Variants in ZNF462 observed in about 807,000 individuals in gnomAD.
The protein encoded by ZNF462 is zinc finger protein 462, also known as zinc finger PBX1-interacting protein.
In ZNF462, 10 loss-of-function variants were observed where a neutral mutation model predicts 201.9. That is an observed-to-expected ratio of 0.05 (90% CI 0.03 to 0.08). The LOEUF is 0.08. Among genes scored for constraint, ZNF462 ranks in the 10% least tolerant of loss-of-function variants. The probability of loss-of-function intolerance (pLI) is 1.00; values close to 1 mark genes in which losing one functional copy is unlikely to be tolerated. For synonymous variants in ZNF462, 1,227 were observed against 1,193.3 expected, an observed-to-expected ratio of 1.03 and a Z score of -0.58; for missense variants, 2,523 against 3,168.3, an observed-to-expected ratio of 0.80 and a Z score of 4.89.
intron 7 of ZNF462, among the ~76,000 whole-genome samples, chr9:106,967,734 C>G (rs924114722): frequency 6.6e-6 from 1 of 152,146 alleles, no homozygotes; most frequent in Non-Finnish European, 1.5e-5. Context: ...CTAACTAAAG[C>G]ATGACATTTA....
At position 106,935,453 on chromosome 9, in the gene ZNF462, T is replaced by G. The variant is rs1237655136; in HGVS notation, c.6117-50T>G. On this transcript the variant is annotated intron_variant, in intron 5 of 12. Transcript: ENST00000277225. The surrounding 1 kb of genome is among the most constrained non-coding windows in gnomAD (Gnocchi z 4.1). ...AAAAAAGCAATGAGCAAATCCTCTA[T>G]GCAATTTTTAATTTTGTCATTTTTC... The G allele has an allele frequency of 6.5e-7, 1 of 1,547,564 alleles. No homozygotes were observed. Among genetic ancestry groups the G allele is most frequent in the Non-Finnish European group, 8.9e-7 (1 of 1,120,750 alleles).
Position 106,952,364 on chromosome 9 carries a change from T to G in ZNF462, c.6427+13257T>G, listed in dbSNP as rs764606585. Among the ~76,000 whole-genome samples, 66 of 152,224 alleles carry G rather than the reference T, an allele frequency of 4.3e-4. 1 individual carries two copies. Among genetic ancestry groups the G allele is most frequent in the Admixed American group, 2.4e-3 (37 of 15,280 alleles). On this transcript the variant is annotated intron_variant, in intron 7 of 12. Transcript: ENST00000277225. ...TTACTGTAGAAATAGTAGCTATTAT[T>G]AAAATACTATAGTAGAAGCAAATTT...
At chr9:106,892,206 G>A (rs1390584634) in intron 1 of ZNF462, among the ~76,000 whole-genome samples, 1 of 152,120 alleles carries the variant, frequency 6.6e-6, no homozygotes, top group African/African-American at 2.4e-5. Flanking sequence ...CTACAGCTGT[G>A]AGAAAATCCA....
chr9:106,953,906 C>T (rs1387394745), intron 7 of ZNF462, among the ~76,000 whole-genome samples: 3 of 152,134 alleles, frequency 2.0e-5, no homozygotes, highest in Non-Finnish European at 2.9e-5. Context: ...GTTGGACCCA[C>T]GTTCCATCAA....
chr9:106,980,728 C>T (rs1827362386), intron 9 of ZNF462, among the ~76,000 whole-genome samples: 1 of 152,172 alleles, frequency 6.6e-6, no homozygotes, highest in Admixed American at 6.5e-5. Context: ...AGACACAATC[C>T]ATCTTGTAGT....
At chr9:106,897,623 A>C (rs1828866609) in intron 1 of ZNF462, among the ~76,000 whole-genome samples, 1 of 152,144 alleles carries the variant, frequency 6.6e-6, no homozygotes, top group Non-Finnish European at 1.5e-5. Context: ...TTGTAAGGGC[A>C]CTCCTCTTTG....
At chr9:106,953,607 T>C (rs773929189) in intron 7 of ZNF462, among the ~76,000 whole-genome samples, 5 of 152,144 alleles carry the variant, frequency 3.3e-5, no homozygotes, top group Non-Finnish European at 7.3e-5. Flanking sequence ...CCTGCTCCCC[T>C]TACATGTACT....
At position 106,919,876 on chromosome 9, in the gene ZNF462, A is replaced by T. The variant is rs1829919327; in HGVS notation, c.-30-3478A>T. On this transcript the variant is annotated intron_variant, in intron 1 of 12. Coordinates refer to ENST00000277225, the MANE Select transcript of ZNF462 (RefSeq NM_021224.6). This position sits in a 1 kb window ranked among gnomAD's most constrained non-coding sequence, Gnocchi z 4.5. ...GGTAGAAGACAGGGATGCTTGTTTG[A>T]TATGTAGATTCATCTCATGACCTTT... Among the ~76,000 whole-genome samples the T allele has an allele frequency of 6.6e-6, 1 of 152,174 alleles. No individual in the cohort carries two copies. The highest frequency in any genetic ancestry group is 6.5e-5 in the Admixed American group (1 of 15,276).
Position 107,011,189 on chromosome 9 carries a change from G to A in ZNF462, c.*159G>A, listed in dbSNP as rs1829908670. ...TTTCAAAGCACTGGTACCTGTGTGA[G>A]TGAGTATGTAAATTAAAGTTATTTA... is the stretch of plus-strand genomic sequence containing the variant. On this transcript the variant is annotated 3_prime_UTR_variant, in exon 13 of 13. Coordinates refer to ENST00000277225, the MANE Select transcript of ZNF462 (RefSeq NM_021224.6). The surrounding 1 kb of genome is among the most constrained non-coding windows in gnomAD (Gnocchi z 5.6). 1 of 629,142 alleles carries A rather than the reference G, an allele frequency of 1.6e-6. No homozygotes were observed. The highest frequency in any genetic ancestry group is 2.7e-6 in the Non-Finnish European group (1 of 365,202). 39.0% of individuals were successfully genotyped at this position (629,142 alleles called of 1,614,324 possible).
At chr9:106,889,782 G>T (rs185271414) in intron 1 of ZNF462, among the ~76,000 whole-genome samples, 39 of 152,190 alleles carry the variant, frequency 2.6e-4, no homozygotes, top group Admixed American at 2.6e-3. Flanking sequence ...TTGTCAACAG[G>T]TCTAACACAT....
chr9:106,867,928 C>A (rs895148053), intron 1 of ZNF462, among the ~76,000 whole-genome samples: 1 of 152,146 alleles, frequency 6.6e-6, no homozygotes, highest in Admixed American at 6.5e-5. Flanking sequence ...GATGCTGTTT[C>A]ATAATGCCGC....
rs933672845 is a variant in ZNF462 at position 106,925,428 on chromosome 9, A to G, written c.1516A>G (p.Ser506Gly). The G allele has an allele frequency of 1.2e-6, 2 of 1,614,096 alleles. No individual in the cohort carries two copies. The highest frequency in any genetic ancestry group is 1.3e-5 in the African/African-American group (1 of 74,924). ...AGATTGGGATGCTGTGAATTCCCAG[A>G]GTGAAAGCATTTCTTCCTCACTGAA... The part of the protein sequence containing the change: ...TSDWDAVNSQ[S>G]ESISSSLNEG... Residue 506 changes from serine (S) to glycine (G), a missense_variant, in exon 3 of 13, where the codon AGT (serine) becomes GGT (glycine). By Grantham distance (56) the Ser-to-Gly change is moderately conservative. Transcript: ENST00000277225. This position sits in a 1 kb window ranked among gnomAD's most constrained non-coding sequence, Gnocchi z 7.9.
chr9:106,909,476 C>G (rs1031854668), intron 1 of ZNF462, among the ~76,000 whole-genome samples: 2 of 152,030 alleles, frequency 1.3e-5, no homozygotes, highest in Non-Finnish European at 2.9e-5. Flanking sequence ...CTCTAAATTA[C>G]CTATTCTTGA....
chr9:106,982,963 T>C (rs993276767), intron 9 of ZNF462, among the ~76,000 whole-genome samples: 4 of 152,220 alleles, frequency 2.6e-5, no homozygotes, highest in Non-Finnish European at 5.9e-5. Flanking sequence ...AATCATGCTT[T>C]CTTGACTTAA....
At chr9:106,893,506 A>G (rs1158310772) in intron 1 of ZNF462, among the ~76,000 whole-genome samples, 1 of 152,222 alleles carries the variant, frequency 6.6e-6, no homozygotes, top group African/African-American at 2.4e-5. Context: ...ATATTTGGTA[A>G]TATAACAAAT....
Position 106,931,378 on chromosome 9 carries a change from C to A in ZNF462, c.6012+689C>A, listed in dbSNP as rs529074851. Among the ~76,000 whole-genome samples the A allele has an allele frequency of 3.3e-5, 5 of 152,262 alleles. No individual in the cohort carries two copies. In the South Asian group the frequency reaches 1.0e-3, roughly 32 times the overall value. On this transcript the variant is annotated intron_variant, in intron 4 of 12. Coordinates refer to ENST00000277225, the MANE Select transcript of ZNF462 (RefSeq NM_021224.6). Reference sequence around the variant, plus strand: ...CCCCGTCTTCCAGGATATTGCTAAGCCCTATTATTTATTAAAACAGAAGTC... The same window carrying A: ...CCCCGTCTTCCAGGATATTGCTAAGACCTATTATTTATTAAAACAGAAGTC...
rs929807486 is a variant in ZNF462 at position 106,935,771 on chromosome 9, A to G, written c.6235+150A>G. 8 of 576,416 alleles carry G rather than the reference A, an allele frequency of 1.4e-5. No homozygotes were observed. The South Asian group carries it at 3.2e-4, about 23-fold the overall frequency. The allele number at this position is 576,416 out of a possible 1,614,324, so 35.7% of individuals were successfully genotyped here. A position where few individuals can be genotyped will look rare whatever the true frequency, so the allele number is the denominator to read the frequency against. ...TATTCAGTTTTATTTTTACCTAGTA[A>G]AGAAAAAATAAAGAAAAAAGTAAAA... On this transcript the variant is annotated intron_variant, in intron 6 of 12. Coordinates refer to ENST00000277225, the MANE Select transcript of ZNF462 (RefSeq NM_021224.6). The surrounding 1 kb of genome is among the most constrained non-coding windows in gnomAD (Gnocchi z 4.1).
Position 106,984,693 on chromosome 9 carries a change from G to A in ZNF462, c.7056+284G>A, listed in dbSNP as rs562927563. ...CTAGACCCACTTTCATTTGTTTTAC[G>A]TAATTGTGATTATACTATACATAAA... On this transcript the variant is annotated intron_variant, in intron 10 of 12. Transcript: ENST00000277225. This position sits in a 1 kb window ranked among gnomAD's most constrained non-coding sequence, Gnocchi z 6.4. Among the ~76,000 whole-genome samples the A allele has an allele frequency of 6.6e-6, 1 of 152,098 alleles. No individual in the cohort carries two copies. Among genetic ancestry groups the A allele is most frequent in the East Asian group, 1.9e-4 (1 of 5,190 alleles).
At chr9:106,912,843 T>A (rs1829607167) in intron 1 of ZNF462, among the ~76,000 whole-genome samples, 1 of 152,198 alleles carries the variant, frequency 6.6e-6, no homozygotes, top group African/African-American at 2.4e-5. Context: ...TTTCAATATT[T>A]TTCAGGGAGG....
Sources: allele counts gnomAD v4.1 joint callset (sites outside exome capture counted in the v4.1 genomes callset), GRCh38; gene constraint gnomAD v4.1.1; non-coding constraint Gnocchi (gnomAD v3.1); transcripts MANE v1.5; gene names NCBI Gene and HGNC (gene_info 2026-07-23, HGNC 2026-07-21).